Variants in CHIC2 observed in about 807,000 individuals in gnomAD.
CHIC2 encodes the protein cysteine-rich hydrophobic domain-containing protein 2.
A neutral mutation model predicts 25.9 loss-of-function variants in CHIC2; 14 were observed. That is an observed-to-expected ratio of 0.54 (90% CI 0.36 to 0.85). CHIC2 has a LOEUF of 0.85. Ranked by LOEUF, CHIC2 falls within the 40% of genes least tolerant of loss-of-function variation. The probability of loss-of-function intolerance (pLI) is 0.01; values close to 1 mark genes in which losing one functional copy is unlikely to be tolerated. For missense variants in CHIC2, 146 were observed against 202.0 expected, an observed-to-expected ratio of 0.72 and a Z score of 1.68; for synonymous variants, 70 against 72.0, an observed-to-expected ratio of 0.97 and a Z score of 0.14.
At chr4:54,060,602 C>T (rs986887620) in intron 1 of CHIC2, 2 of 152,114 alleles carry the variant, frequency 1.3e-5, no homozygotes, top group Non-Finnish European at 2.9e-5. Context: ...CCTAAAACTA[C>T]TTTTAAATTC....
chr4:54,086,964 A>G, the CHIC2 span: 5 of 745,594 alleles, frequency 6.7e-6, no homozygotes, highest in East Asian at 1.3e-4. Context: ...CTCATGGACA[A>G]CAATCTGCAG....
At chr4:54,083,415 G>A in the CHIC2 span, among the ~76,000 whole-genome samples, 1 of 152,056 alleles carries the variant, frequency 6.6e-6, no homozygotes, top group Non-Finnish European at 1.5e-5. Flanking sequence ...AACTCAAAAT[G>A]TTTACAACCA....
chr4:54,025,624 C>T (rs566136262), intron 3 of CHIC2, among the ~76,000 whole-genome samples: 13 of 152,014 alleles, frequency 8.6e-5, no homozygotes, highest in East Asian at 7.8e-4. Context: ...TTTGGGATAC[C>T]GAGAAGGGCG....
chr4:54,055,184 G>A (rs1464100233), intron 1 of CHIC2, among the ~76,000 whole-genome samples: 1 of 152,066 alleles, frequency 6.6e-6, no homozygotes, highest in Admixed American at 6.6e-5. Flanking sequence ...ATGTTGCCCA[G>A]TGTAGTCTCA....
At chr4:54,031,688 C>G (rs527704013) in intron 3 of CHIC2, among the ~76,000 whole-genome samples, 1 of 140,570 alleles carries the variant, frequency 7.1e-6, no homozygotes, top group African/African-American at 2.7e-5. Context: ...GGTGCCATCT[C>G]GGCTCACTGC....
chr4:54,054,488 G>A (rs1250754378), intron 1 of CHIC2, among the ~76,000 whole-genome samples: 1 of 152,138 alleles, frequency 6.6e-6, no homozygotes, highest in Admixed American at 6.5e-5. Context: ...CTGAGTTACA[G>A]TGATATTTTT....
intron 3 of CHIC2, among the ~76,000 whole-genome samples, chr4:54,016,699 T>C (rs1363954955): frequency 6.6e-6 from 1 of 152,094 alleles, no homozygotes; most frequent in Non-Finnish European, 1.5e-5. Context: ...CACGTGCAGC[T>C]TAATTAATCA....
In CHIC2 at chr4:54,054,460, T is replaced by C. The variant is rs545100043; in HGVS notation, c.120-5155A>G. ...TTTTGCCCTTAATCAAAAATATATGTTCAATGTTTCTTTTCTTCTGAGTTA... is the reference window on the plus strand; with the variant it reads ...TTTTGCCCTTAATCAAAAATATATGCTCAATGTTTCTTTTCTTCTGAGTTA... On this transcript the variant is annotated intron_variant, in intron 1 of 5. Coordinates refer to ENST00000263921, the MANE Select transcript of CHIC2 (RefSeq NM_012110.4). Among the ~76,000 whole-genome samples the C allele has an allele frequency of 1.3e-3, 195 of 152,380 alleles. 1 individual carries two copies. The highest frequency in any genetic ancestry group is 3.7e-3 in the South Asian group (18 of 4,834).
chr4:54,033,241 CTAA>C (rs1716287961), intron 3 of CHIC2, among the ~76,000 whole-genome samples: 2 of 152,122 alleles, frequency 1.3e-5, no homozygotes, highest in African/African-American at 4.8e-5. Flanking sequence ...TTCAGTCCTT[CTAA>C]TAAGTATGTA....
chr4:54,019,029 A>G (rs577247016), intron 3 of CHIC2, among the ~76,000 whole-genome samples: 1 of 151,886 alleles, frequency 6.6e-6, no homozygotes, highest in East Asian at 1.9e-4. Flanking sequence ...GAATTTGTTA[A>G]GTAAAACAAT....
At position 54,035,242 on chromosome 4, in the gene CHIC2, G is replaced by A. The variant is rs184614142; in HGVS notation, c.330+13713C>T. 4.0e-4 allele frequency among the ~76,000 whole-genome samples: 61 copies of A among 152,244 alleles called. 1 individual carries two copies. The East Asian group carries it at 0.011, about 26-fold the overall frequency. On this transcript the variant is annotated intron_variant, in intron 3 of 5. Coordinates refer to ENST00000263921, the MANE Select transcript of CHIC2 (RefSeq NM_012110.4). ...TGTCTGGTTTTGGCCTCAGGGTAAC[G>A]ATGGCCTCATAAAGTGAGCTGGGAA...
At chr4:54,063,493 C>G (rs1717398655) in intron 1 of CHIC2, among the ~76,000 whole-genome samples, 1 of 152,198 alleles carries the variant, frequency 6.6e-6, no homozygotes, top group African/African-American at 2.4e-5. Context: ...AATTAACAAG[C>G]CCCAAGTTCG....
upstream of CHIC2, among the ~76,000 whole-genome samples, chr4:54,066,863 G>C (rs1328713169): frequency 1.3e-5 from 2 of 152,162 alleles, no homozygotes; most frequent in Non-Finnish European, 2.9e-5. Context: ...GTATGTCCTG[G>C]CACAGCCCAC....
chr4:54,064,076 G>T lies in CHIC2; in HGVS notation c.119+106C>A. The T allele has an allele frequency of 1.0e-6, 1 of 956,436 alleles. No homozygotes were observed. The highest frequency in any genetic ancestry group is 2.7e-5 in the Admixed American group (1 of 37,614). The allele number at this position is 956,436 out of a possible 1,614,324, so 59.2% of individuals were successfully genotyped here. On this transcript the variant is annotated intron_variant, in intron 1 of 5. Transcript: ENST00000263921. This position sits in a 1 kb window ranked among gnomAD's most constrained non-coding sequence, Gnocchi z 4.2. ...TCACTTCCTGGTTGCCTACTCTTTC[G>T]GAAGGCCCCCGACACCAGACGGACA...
At chr4:54,082,185 T>G in the CHIC2 span, among the ~76,000 whole-genome samples, 24 of 152,272 alleles carry the variant, frequency 1.6e-4, no homozygotes, top group South Asian at 8.3e-4. Flanking sequence ...TTTTTCCATC[T>G]ACATGGATCT....
At chr4:54,090,408 C>G in the CHIC2 span, among the ~76,000 whole-genome samples, 3 of 152,148 alleles carry the variant, frequency 2.0e-5, no homozygotes, top group Non-Finnish European at 2.9e-5. Context: ...TGGTCTCGAA[C>G]TTCTAGCCTC....
At chr4:54,037,234 A>C (rs534017680) in intron 3 of CHIC2, among the ~76,000 whole-genome samples, 2 of 152,136 alleles carry the variant, frequency 1.3e-5, no homozygotes, top group African/African-American at 4.8e-5. Context: ...CTGTGGCCCA[A>C]GCTACTTGGG....
chr4:54,085,259 CTT>C, the CHIC2 span, among the ~76,000 whole-genome samples: 2 of 152,108 alleles, frequency 1.3e-5, no homozygotes, highest in African/African-American at 4.8e-5. Flanking sequence ...CTTTTTACCA[CTT>C]TTGTAGGTTA....
In CHIC2 at chr4:54,013,852, A is replaced by T; in HGVS notation, c.432T>A (p.Asn144Lys). Residue 144 changes from asparagine (N) to lysine (K), a missense_variant, in exon 5 of 6, where the codon AAT becomes AAA. Transcript: ENST00000263921. ...TTTAACTTACATATTCCATCATGTT[A>T]TTCGTTTCACATTTCCTTTTGCTCA... ...WRLSKRKCET[N>K]NMMEYVILIE... The T allele has an allele frequency of 3.7e-6, 6 of 1,613,312 alleles. No homozygotes were observed. Among genetic ancestry groups the T allele is most frequent in the Non-Finnish European group, 5.1e-6 (6 of 1,179,438 alleles).
Sources: allele counts gnomAD v4.1 joint callset (sites outside exome capture counted in the v4.1 genomes callset), GRCh38; gene constraint gnomAD v4.1.1; non-coding constraint Gnocchi (gnomAD v3.1); transcripts MANE v1.5; gene names NCBI Gene and HGNC (gene_info 2026-07-23, HGNC 2026-07-21).